SPTA1: variants seen among roughly 807,000 people sequenced by gnomAD.
The protein encoded by SPTA1 is spectrin alpha, erythrocytic 1.
SPTA1 carries 177 observed loss-of-function variants against 324.7 expected under a neutral mutation model. The observed-to-expected ratio is 0.55, with a 90% CI of 0.48 to 0.62. SPTA1 has a LOEUF of 0.62. SPTA1 is among the 20% of genes least tolerant of loss of function. The pLI is 0.00. For synonymous variants in SPTA1, 1,195 were observed against 1,041.3 expected (o/e 1.15, Z -2.84); for missense variants, 3,162 against 2,883.6 (o/e 1.10, Z -2.21).
intron 1 of SPTA1, 87 bp downstream of exon 1, chr1:158,686,407 T>C (rs542983750): frequency 1.0e-5 from 10 of 960,230 alleles, no homozygotes; most frequent in Middle Eastern, 3.1e-4. Context: ...TTAATGTTCC[T>C]GGGAAAGATA....
intron 34 of SPTA1, 80 bp from the exon 35 acceptor site, chr1:158,639,766 AACTTTT>A: frequency 6.2e-7 from 1 of 1,612,254 alleles, no homozygotes; most frequent in Non-Finnish European, 8.5e-7. Flanking sequence ...TATGTCCCCA[AACTTTT>A]CCCAGGAAAA....
intron 31 of SPTA1, 105 bp downstream of exon 31, chr1:158,643,217 C>T (rs770192062): frequency 1.2e-5 from 16 of 1,380,184 alleles, no homozygotes; most frequent in Non-Finnish European, 1.5e-5. Context: ...GTTTTAGTCA[C>T]CTAGAAATGA....
At chr1:158,680,813 C>A in intron 4 of SPTA1, 84 bp from the exon 5 acceptor site, 3 of 1,558,782 alleles carry the variant, frequency 1.9e-6, no homozygotes, top group Non-Finnish European at 2.6e-6. Flanking sequence ...TGCTTGCATT[C>A]CCAGGATAAC....
intron 21 of SPTA1, among the ~76,000 whole-genome samples, chr1:158,653,649 C>T (rs1210079272): frequency 6.6e-6 from 1 of 151,996 alleles, no homozygotes; most frequent in East Asian, 1.9e-4. Context: ...AATGTTAGAC[C>T]CTTAACTTTG....
chr1:158,639,935 T>C lies in SPTA1; in HGVS notation c.4810A>G (p.Asn1604Asp), dbSNP rs1184460842. 6.2e-7 allele frequency: 1 copy of C among 1,613,896 alleles called. No homozygotes were observed. The highest frequency in any genetic ancestry group is 2.2e-5 in the East Asian group (1 of 44,858). Reference protein sequence around the residue: ...ERTNDKGKKLNEASRQQRFNT... With the variant: ...ERTNDKGKKLDEASRQQRFNT... The stretch of plus-strand genomic sequence containing the variant: ...AACCTCTGTTGACGACTGGCCTCAT[T>C]GAGCTTCTTCCCTTTGTCATTTGTT... The change falls in exon 34 of 52, where the codon AAT (asparagine) becomes GAT (aspartate). Residue 1604 changes from asparagine to aspartate, a missense_variant. Coordinates refer to ENST00000643759, the MANE Select transcript of SPTA1 (RefSeq NM_003126.4).
intron 43 of SPTA1, chr1:158,620,720 C>T (rs948501352): frequency 1.3e-5 from 5 of 389,960 alleles, no homozygotes; most frequent in South Asian, 1.1e-4. Context: ...TGAGGGAGGT[C>T]GAATTATTTC....
At chr1:158,673,532 T>C (rs1654177073) in intron 10 of SPTA1, among the ~76,000 whole-genome samples, 1 of 152,186 alleles carries the variant, frequency 6.6e-6, no homozygotes, top group Non-Finnish European at 1.5e-5. Flanking sequence ...TTAATGCAAA[T>C]TTGAAAATCA....
chr1:158,683,564 T>C (rs978032918), intron 2 of SPTA1, 68 bp from the exon 3 acceptor site: 2 of 1,600,932 alleles, frequency 1.2e-6, no homozygotes, highest in South Asian at 1.1e-5. Context: ...TCACTCTATG[T>C]AAAGCCACCA....
chr1:158,634,444 C>T (rs1346210648), intron 39 of SPTA1, 99 bp downstream of exon 39: 1 of 1,517,814 alleles, frequency 6.6e-7, no homozygotes, highest in African/African-American at 1.4e-5. Context: ...TCTTCTTTCA[C>T]CAGAAAAATG....
chr1:158,620,515 C>T lies in SPTA1; in HGVS notation c.6121-49G>A, dbSNP rs200025058. ...TACCATCTTTCCTGATAAAGCCTCT[C>T]AGCAGAAGAGAAGATTGAGGATAAA... On this transcript the variant is annotated intron_variant, in intron 43 of 51. Coordinates refer to ENST00000643759, the MANE Select transcript of SPTA1 (RefSeq NM_003126.4). 2.3e-4 allele frequency: 376 copies of T among 1,608,254 alleles called. 1 individual carries two copies. In the Admixed American group the frequency reaches 6.2e-3, roughly 26 times the overall value.
Position 158,612,905 on chromosome 1 carries a change from T to C in SPTA1, c.7046A>G (p.Glu2349Gly). Residue 2349 changes from glutamate to glycine, a missense_variant, in exon 51 of 52, where the codon GAA (glutamate) becomes GGA (glycine). Glu to Gly is a moderately conservative substitution (Grantham distance 98). Coordinates refer to ENST00000643759, the MANE Select transcript of SPTA1 (RefSeq NM_003126.4). ...YTAFLIDKES[E>G]NIKSSDEIEN... Reference sequence around the variant, plus strand: ...TATTTCATCACTGGACTTGATGTTTTCTGACTCCTTGTCAATCAGGAAAGC... The same window carrying C: ...TATTTCATCACTGGACTTGATGTTTCCTGACTCCTTGTCAATCAGGAAAGC... The C allele has an allele frequency of 6.2e-7, 1 of 1,613,978 alleles. No individual in the cohort carries two copies. Among genetic ancestry groups the C allele is most frequent in the South Asian group, 1.1e-5 (1 of 91,086 alleles).
rs1653693818 is a variant in SPTA1, at chr1:158,667,506, A to G, written c.2038+352T>C. ...CATAATATCTTGTCTAGCTTATAGA[A>G]CCAAAATAGGTAAAACTCATGGTTC... is the stretch of plus-strand genomic sequence containing the variant. On this transcript the variant is annotated intron_variant, in intron 15 of 51. Transcript: ENST00000643759. Among the ~76,000 whole-genome samples the G allele has an allele frequency of 2.0e-5, 3 of 152,216 alleles. No individual in the cohort carries two copies. In the South Asian group the frequency reaches 6.2e-4, roughly 32 times the overall value.
chr1:158,684,092 GA>G (rs1345072187), intron 2 of SPTA1, among the ~76,000 whole-genome samples: 1 of 8,676 alleles, frequency 1.2e-4, no homozygotes, highest in African/African-American at 1.4e-4. Context: ...GCAATTTAGG[GA>G]AGAAAAAAAA....
At chr1:158,669,637 T>C in intron 13 of SPTA1, 72 bp downstream of exon 13, 1 of 1,614,050 alleles carries the variant, frequency 6.2e-7, no homozygotes, top group East Asian at 2.2e-5. Flanking sequence ...ACCACCCTGG[T>C]CACCATGCCC....
chr1:158,611,600 G>T (rs144336958), intron 51 of SPTA1: 402 of 501,934 alleles, frequency 8.0e-4, no homozygotes, highest in Non-Finnish European at 1.1e-3. Flanking sequence ...GAAAAAGAGA[G>T]CTTACTCACT....
At chr1:158,680,557 G>C (rs1371334709) in intron 5 of SPTA1, 26 bp downstream of exon 5, 3 of 1,613,236 alleles carry the variant, frequency 1.9e-6, no homozygotes, top group African/African-American at 1.3e-5. Context: ...CCTTTGCACG[G>C]AGTGAATATT....
Position 158,622,971 on chromosome 1 carries a change from A to AT in SPTA1, c.6120+11dup. ...AACAGAGAACTGATCATGCCTCATAATTTTTTTAAACCTTCTGTAGAGGCA... is the reference window on the plus strand; with the variant it reads ...AACAGAGAACTGATCATGCCTCATAATTTTTTTTAAACCTTCTGTAGAGGCA... On this transcript the variant is annotated intron_variant, in intron 43 of 51. Transcript: ENST00000643759. The AT allele has an allele frequency of 2.5e-6, 4 of 1,611,942 alleles. No homozygotes were observed. In the South Asian group the frequency reaches 4.4e-5, roughly 18 times the overall value.
Position 158,661,268 on chromosome 1 carries a change from GA to G in SPTA1, c.2587+18del, listed in dbSNP as rs1249616213. 1.9e-6 allele frequency: 3 copies of G among 1,613,658 alleles called. No individual in the cohort carries two copies. The African/African-American group carries it at 4.0e-5, about 22-fold the overall frequency. Reference sequence around the variant, plus strand: ...TGGCCTGGTGATGTTTTGTCCAACTGAATCTCAATCATACATACCTTCCTCT... The same window carrying G: ...TGGCCTGGTGATGTTTTGTCCAACTGATCTCAATCATACATACCTTCCTCT... On this transcript the variant is annotated intron_variant, in intron 18 of 51. Coordinates refer to ENST00000643759, the MANE Select transcript of SPTA1 (RefSeq NM_003126.4).
At chr1:158,645,065 G>T in intron 29 of SPTA1, 123 bp downstream of exon 29, 1 of 996,016 alleles carries the variant, frequency 1.0e-6, no homozygotes, top group Non-Finnish European at 1.6e-6. Context: ...GTAATTAAGA[G>T]ATGAGCTCCC....
Sources: allele counts gnomAD v4.1 joint callset (sites outside exome capture counted in the v4.1 genomes callset), GRCh38; gene constraint gnomAD v4.1.1; transcripts MANE v1.5; gene names NCBI Gene and HGNC (gene_info 2026-07-23, HGNC 2026-07-21).